The following LRRC37A2 variants were observed in gnomAD, a reference collection of about 807,000 sequenced individuals.
LRRC37A2 encodes leucine-rich repeat-containing protein 37A2.
A neutral mutation model predicts 68.8 loss-of-function variants in LRRC37A2; 9 were observed. The ratio of observed to expected loss-of-function variants is 0.13; its 90% confidence interval spans 0.08 to 0.23. The LOEUF is 0.23. Ranked by LOEUF, LRRC37A2 falls within the 10% of genes least tolerant of loss-of-function variation. The pLI is 1.00. For missense variants in LRRC37A2, 168 were observed against 950.4 expected (o/e 0.18, Z 10.82); for synonymous variants, 63 against 367.6 (o/e 0.17, Z 9.48).
At chr17:46,448,356 AG>A in the LRRC37A2 span, among the ~76,000 whole-genome samples, 2 of 83,006 alleles carry the variant, frequency 2.4e-5, no homozygotes, top group Admixed American at 2.4e-4. Context: ...GTGCTCCCCA[AG>A]AAAGGGCAGT....
chr17:46,693,356 G>T, the LRRC37A2 span, among the ~76,000 whole-genome samples: 1 of 151,894 alleles, frequency 6.6e-6, no homozygotes, highest in Admixed American at 6.6e-5. Flanking sequence ...ATGGAATGCA[G>T]TGGTTTTCAA....
At chr17:46,970,215 A>G in the LRRC37A2 span, among the ~76,000 whole-genome samples, 6 of 152,284 alleles carry the variant, frequency 3.9e-5, no homozygotes, top group South Asian at 1.2e-3. Context: ...TACAGCTTCC[A>G]TCCTAAAGCA....
the LRRC37A2 span, among the ~76,000 whole-genome samples, chr17:47,030,183 C>T: frequency 3.4e-5 from 5 of 148,118 alleles, no homozygotes; most frequent in African/African-American, 1.0e-4. Context: ...CAGGAAAACA[C>T]TGGAATCACA....
chr17:46,915,443 A>G, the LRRC37A2 span, among the ~76,000 whole-genome samples: 1 of 152,162 alleles, frequency 6.6e-6, no homozygotes, highest in Non-Finnish European at 1.5e-5. Context: ...CACTTCTTTC[A>G]TATTCTGTTG....
chr17:46,735,224 G>C, the LRRC37A2 span, among the ~76,000 whole-genome samples: 2 of 152,204 alleles, frequency 1.3e-5, no homozygotes, highest in East Asian at 3.9e-4. Flanking sequence ...GCCATTTTCT[G>C]ATAACTCAAA....
chr17:46,707,536 CTT>C, the LRRC37A2 span, among the ~76,000 whole-genome samples: 1 of 152,022 alleles, frequency 6.6e-6, no homozygotes. Context: ...AATAATAACT[CTT>C]TTTTCCCTCC....
At chr17:47,018,022 A>C in the LRRC37A2 span, 1 of 1,499,616 alleles carries the variant, frequency 6.7e-7, no homozygotes, top group Non-Finnish European at 9.3e-7. Context: ...ACTCTACCGA[A>C]TCATGAGGTG....
At chr17:46,900,198 T>TACATAC in the LRRC37A2 span, among the ~76,000 whole-genome samples, 323 of 92,044 alleles carry the variant, frequency 3.5e-3, 13 homozygotes, top group African/African-American at 0.015. Context: ...TATATATATA[T>TACATAC]ATATACACAC....
At chr17:46,776,879 C>T in the LRRC37A2 span, among the ~76,000 whole-genome samples, 1 of 152,138 alleles carries the variant, frequency 6.6e-6, no homozygotes, top group African/African-American at 2.4e-5. Context: ...TGCCCTCCTC[C>T]TTCCCCTCCC....
At chr17:46,816,369 C>T in the LRRC37A2 span, among the ~76,000 whole-genome samples, 7 of 152,038 alleles carry the variant, frequency 4.6e-5, no homozygotes, top group South Asian at 2.1e-4. Context: ...CACGCCCACA[C>T]GATTTCACAT....
the LRRC37A2 span, among the ~76,000 whole-genome samples, chr17:46,908,849 G>A: frequency 5.7e-4 from 87 of 152,228 alleles, 1 homozygote; most frequent in East Asian, 0.016. Context: ...CCACTCTTTC[G>A]ATCTGAGGGA....
chr17:46,957,794 A>G, the LRRC37A2 span, among the ~76,000 whole-genome samples: 3 of 152,322 alleles, frequency 2.0e-5, no homozygotes, highest in South Asian at 4.1e-4. Flanking sequence ...AATGGGCCAG[A>G]TATCGGACAG....
the LRRC37A2 span, among the ~76,000 whole-genome samples, chr17:46,810,466 C>G: frequency 3.3e-4 from 50 of 152,338 alleles, no homozygotes; most frequent in African/African-American, 1.1e-3. Flanking sequence ...GGCCTCAGGT[C>G]TGAGGCCAAC....
the LRRC37A2 span, among the ~76,000 whole-genome samples, chr17:47,028,779 G>A: frequency 1.3e-5 from 2 of 151,140 alleles, no homozygotes; most frequent in African/African-American, 4.9e-5. Context: ...GCGTGGTGGT[G>A]CAGTTTTTTG....
the LRRC37A2 span, among the ~76,000 whole-genome samples, chr17:46,979,758 CT>C: frequency 8.8e-5 from 13 of 147,620 alleles, no homozygotes; most frequent in African/African-American, 2.7e-4. Context: ...TCCCATTTAA[CT>C]TTTTTTTTAA....
the LRRC37A2 span, among the ~76,000 whole-genome samples, chr17:46,977,285 AAG>A: frequency 5.8e-4 from 89 of 152,272 alleles, no homozygotes; most frequent in African/African-American, 2.0e-3. Context: ...CCCACAGCAA[AAG>A]AGAGAAGAAA....
At chr17:46,794,115 G>A in the LRRC37A2 span, among the ~76,000 whole-genome samples, 5 of 152,140 alleles carry the variant, frequency 3.3e-5, no homozygotes, top group African/African-American at 1.2e-4. Flanking sequence ...AAACTCTCTG[G>A]TGGGAGGGGC....
the LRRC37A2 span, among the ~76,000 whole-genome samples, chr17:47,032,915 T>C: frequency 5.3e-5 from 8 of 152,208 alleles, no homozygotes; most frequent in East Asian, 1.5e-3. Flanking sequence ...TCTCAGGACT[T>C]TGATTAAGAT....
At chr17:46,890,099 G>C in the LRRC37A2 span, among the ~76,000 whole-genome samples, 132 of 152,292 alleles carry the variant, frequency 8.7e-4, 1 homozygote, top group African/African-American at 2.9e-3. Flanking sequence ...TCTTGGGTCT[G>C]CTCTATGTCT....
Sources: allele counts gnomAD v4.1 joint callset (sites outside exome capture counted in the v4.1 genomes callset), GRCh38; gene constraint gnomAD v4.1.1; transcripts MANE v1.5; gene names NCBI Gene and HGNC (gene_info 2026-07-23, HGNC 2026-07-21).